The following PRR14 variants were observed in gnomAD, a reference collection of about 807,000 sequenced individuals.
PRR14 encodes proline rich 14.
A neutral mutation model predicts 57.2 loss-of-function variants in PRR14; 33 were observed. The ratio of observed to expected loss-of-function variants is 0.58; its 90% confidence interval spans 0.44 to 0.77. The LOEUF (loss-of-function observed/expected upper bound fraction) is 0.77. PRR14 is among the 30% of genes least tolerant of loss of function. The pLI is 0.00. For missense variants in PRR14, 716 were observed against 788.1 expected, an observed-to-expected ratio of 0.91 and a Z score of 1.10; for synonymous variants, 303 against 314.7, an observed-to-expected ratio of 0.96 and a Z score of 0.39.
intron 6 of PRR14, among the ~76,000 whole-genome samples, chr16:30,653,762 G>A (rs1319564417): frequency 6.6e-6 from 1 of 152,160 alleles, no homozygotes; most frequent in Non-Finnish European, 1.5e-5. Context: ...TGCCTCCTGG[G>A]TTCAAGTGAT....
At chr16:30,653,805 T>C (rs2052337305) in intron 6 of PRR14, among the ~76,000 whole-genome samples, 1 of 152,154 alleles carries the variant, frequency 6.6e-6, no homozygotes, top group Non-Finnish European at 1.5e-5. Context: ...TAGCTGGGAT[T>C]ACAGGCATCC....
Position 30,651,234 on chromosome 16 carries a change from G to T in PRR14, c.-51+107G>T. On this transcript the variant is annotated intron_variant, in intron 1 of 11. Transcript: ENST00000300835. The surrounding 1 kb of genome is among the most constrained non-coding windows in gnomAD (Gnocchi z 5.0). ...TCCTCGGCCACTCGCTGGGAGAGGAGGAGGATCGCAGAGGGATCCAGCGGA... is the reference window on the plus strand; with the variant it reads ...TCCTCGGCCACTCGCTGGGAGAGGATGAGGATCGCAGAGGGATCCAGCGGA... 5.9e-6 allele frequency: 2 copies of T among 338,906 alleles called. No individual in the cohort carries two copies. The highest frequency in any genetic ancestry group is 4.4e-5 in the South Asian group (2 of 45,616). 21.0% of individuals were successfully genotyped at this position (338,906 alleles called of 1,614,324 possible).
chr16:30,655,088 C>T lies in PRR14; in HGVS notation c.1118C>T (p.Pro373Leu), dbSNP rs768407365. 3.6e-5 allele frequency: 58 copies of T among 1,611,746 alleles called. No individual in the cohort carries two copies. Among genetic ancestry groups the T allele is most frequent in the Non-Finnish European group, 4.7e-5 (56 of 1,179,958 alleles). Reference sequence around the variant, plus strand: ...GGTGGTGGGGAAATGGCCCGAGCCCCGCCACCCCCTCGGCCCTGTCTCCGG... The same window carrying T: ...GGTGGTGGGGAAATGGCCCGAGCCCTGCCACCCCCTCGGCCCTGTCTCCGG... ...TVGGGEMARA[P>L]PPPRPCLRKE... The change falls in exon 8 of 12, where the codon CCG becomes CTG. Residue 373 changes from proline (P) to leucine (L), a missense_variant. By Grantham distance (98) the Pro-to-Leu change is moderately conservative. Coordinates refer to ENST00000300835, the MANE Select transcript of PRR14 (RefSeq NM_024031.5). The surrounding 1 kb of genome is among the most constrained non-coding windows in gnomAD (Gnocchi z 4.6).
rs755979201 is a variant in PRR14 at position 30,654,230 on chromosome 16, A to G, written c.549A>G (p.Arg183=). Residue 183 remains arginine (R), a splice_region_variant and synonymous_variant, in exon 7 of 12, where the codon AGA becomes AGG. Transcript: ENST00000300835. ...GCCTTTACCTTGCCCTTCACCCCAGAGCTGAGCCCATGAGGATAGTTCGCC... is the reference window on the plus strand; with the variant it reads ...GCCTTTACCTTGCCCTTCACCCCAGGGCTGAGCCCATGAGGATAGTTCGCC... ...ETPNFIIPAQ[R]AEPMRIVRQP... is the part of the protein sequence containing the mutation. 7 of 1,613,320 alleles carry G rather than the reference A, an allele frequency of 4.3e-6. No individual in the cohort carries two copies. The highest frequency in any genetic ancestry group is 5.9e-6 in the Non-Finnish European group (7 of 1,179,390).
In PRR14 at chr16:30,656,174, G is replaced by T; in HGVS notation, c.1621G>T (p.Ala541Ser). 2 of 1,603,214 alleles carry T rather than the reference G, an allele frequency of 1.2e-6. No individual in the cohort carries two copies. The highest frequency in any genetic ancestry group is 1.7e-6 in the Non-Finnish European group (2 of 1,176,130). The stretch of plus-strand genomic sequence containing the variant: ...AAGACCGTCCCGTGGGGTCCGGGCT[G>T]CAGGGGGCAGGACTGTTCCTCCCAA... ...SRRPSRGVRA[A>S]GGRTVPPNVA... Residue 541 changes from alanine to serine, a missense_variant, in exon 12 of 12, where the codon GCA becomes TCA. Ala to Ser is a moderately conservative substitution (Grantham distance 99). Coordinates refer to ENST00000300835, the MANE Select transcript of PRR14 (RefSeq NM_024031.5).
chr16:30,655,836 G>A lies in PRR14; in HGVS notation c.1407-32G>A, dbSNP rs80294806. On this transcript the variant is annotated intron_variant, in intron 10 of 11. Transcript: ENST00000300835. This position sits in a 1 kb window ranked among gnomAD's most constrained non-coding sequence, Gnocchi z 4.6. ...TCCCTTCAGGCCCCACTGGCCCAAG[G>A]TTTCTCAGTGGCCTCTGCTCTTTGC... The A allele has an allele frequency of 2.0e-3, 3,150 of 1,612,496 alleles. 64 individuals are homozygous for A. In the African/African-American group the frequency reaches 0.037, roughly 19 times the overall value.
intron 7 of PRR14, 102 bp downstream of exon 7, chr16:30,654,441 C>A: frequency 9.3e-7 from 1 of 1,074,712 alleles, no homozygotes; most frequent in Non-Finnish European, 1.4e-6. Context: ...CTTAAGCCAC[C>A]TCCCAGGGCA....
Position 30,655,752 on chromosome 16 carries a change from T to C in PRR14, c.1407-116T>C. On this transcript the variant is annotated intron_variant, in intron 10 of 11. Coordinates refer to ENST00000300835, the MANE Select transcript of PRR14 (RefSeq NM_024031.5). The surrounding 1 kb of genome is among the most constrained non-coding windows in gnomAD (Gnocchi z 4.6). ...TGCTCAAAATTGCCTGTCTGCCTTATGTAGCACTCCTGGCCCTGACATGTC... is the reference window on the plus strand; with the variant it reads ...TGCTCAAAATTGCCTGTCTGCCTTACGTAGCACTCCTGGCCCTGACATGTC... 3 of 1,335,616 alleles carry C rather than the reference T, an allele frequency of 2.2e-6. No individual in the cohort carries two copies. Among genetic ancestry groups the C allele is most frequent in the South Asian group, 1.2e-5 (1 of 84,818 alleles). The allele number at this position is 1,335,616 out of a possible 1,614,324, so 82.7% of individuals were successfully genotyped here.
In PRR14 at chr16:30,655,456, G is replaced by A; in HGVS notation, c.1314+36G>A. 6.2e-7 allele frequency: 1 copy of A among 1,613,564 alleles called. No individual in the cohort carries two copies. The highest frequency in any genetic ancestry group is 8.5e-7 in the Non-Finnish European group (1 of 1,179,474). On this transcript the variant is annotated intron_variant, in intron 9 of 11. Coordinates refer to ENST00000300835, the MANE Select transcript of PRR14 (RefSeq NM_024031.5). This position sits in a 1 kb window ranked among gnomAD's most constrained non-coding sequence, Gnocchi z 4.6. The stretch of plus-strand genomic sequence containing the variant: ...AGATCGGGTAGAAGAGACTAGTGGG[G>A]GCCTGAGCCCATGTCACTCTTTCAC...
In PRR14 at chr16:30,654,896, T is replaced by C. The variant is rs1322182105; in HGVS notation, c.926T>C (p.Ile309Thr). The C allele has an allele frequency of 1.3e-6, 2 of 1,581,180 alleles. No homozygotes were observed. The highest frequency in any genetic ancestry group is 2.2e-5 in the South Asian group (2 of 90,276). Reference sequence around the variant, plus strand: ...GCGTCTGTCAGCCCCCGGCCCCCAATCCGCCAGTGGCGAACTCAGGACCAC... The same window carrying C: ...GCGTCTGTCAGCCCCCGGCCCCCAACCCGCCAGTGGCGAACTCAGGACCAC... Reference protein sequence around the residue: ...GTASVSPRPPIRQWRTQDHNT... With the variant: ...GTASVSPRPPTRQWRTQDHNT... The change falls in exon 8 of 12, where the codon ATC becomes ACC. Residue 309 changes from isoleucine (I) to threonine (T), a missense_variant. Coordinates refer to ENST00000300835, the MANE Select transcript of PRR14 (RefSeq NM_024031.5).
chr16:30,651,502 G>T lies in PRR14; in HGVS notation c.-50-94G>T, dbSNP rs571455315. The T allele has an allele frequency of 3.3e-3, 1,938 of 585,890 alleles. 3 individuals carry two copies. Among genetic ancestry groups the T allele is most frequent in the Non-Finnish European group, 4.4e-3 (1,572 of 354,124 alleles). The allele number at this position is 585,890 out of a possible 1,614,324, so 36.3% of individuals were successfully genotyped here. A position where few individuals can be genotyped will look rare whatever the true frequency, so the allele number is the denominator to read the frequency against. ...TCGCGCCCCAGGGCTGCGGCCGCTGGGCTACGGGGAGCCGCGGGCGGACCA... is the reference window on the plus strand; with the variant it reads ...TCGCGCCCCAGGGCTGCGGCCGCTGTGCTACGGGGAGCCGCGGGCGGACCA... On this transcript the variant is annotated intron_variant, in intron 1 of 11. Coordinates refer to ENST00000300835, the MANE Select transcript of PRR14 (RefSeq NM_024031.5). This position sits in a 1 kb window ranked among gnomAD's most constrained non-coding sequence, Gnocchi z 5.0.
Position 30,655,650 on chromosome 16 carries a change from C to A in PRR14, c.1406+57C>A. ...GGCCAAACAGATGCAGGCTTATGTC[C>A]CCTGAAGTATAGCTTTGTCTCCCCT... is the stretch of plus-strand genomic sequence containing the variant. On this transcript the variant is annotated intron_variant, in intron 10 of 11. Coordinates refer to ENST00000300835, the MANE Select transcript of PRR14 (RefSeq NM_024031.5). The surrounding 1 kb of genome is among the most constrained non-coding windows in gnomAD (Gnocchi z 4.6). The A allele has an allele frequency of 6.7e-7, 1 of 1,499,902 alleles. No homozygotes were observed. The highest frequency in any genetic ancestry group is 1.4e-5 in the African/African-American group (1 of 72,704). The allele number at this position is 1,499,902 out of a possible 1,614,324, so 92.9% of individuals were successfully genotyped here.
chr16:30,652,653 C>T, intron 3 of PRR14, 68 bp from the exon 4 acceptor site: 3 of 1,597,546 alleles, frequency 1.9e-6, no homozygotes, highest in Non-Finnish European at 2.6e-6. Flanking sequence ...CACTGTGAGG[C>T]ACAGGGAAAC....
chr16:30,651,720 C>G lies in PRR14; in HGVS notation c.23+52C>G. The G allele has an allele frequency of 3.7e-6, 6 of 1,612,252 alleles. No individual in the cohort carries two copies. Among genetic ancestry groups the G allele is most frequent in the Non-Finnish European group, 5.1e-6 (6 of 1,179,680 alleles). Reference sequence around the variant, plus strand: ...TGTCTTGACCCCGGGAGATGGGGATCCTGGCGACCGTGCCGGGAAACTACA... The same window carrying G: ...TGTCTTGACCCCGGGAGATGGGGATGCTGGCGACCGTGCCGGGAAACTACA... On this transcript the variant is annotated intron_variant, in intron 2 of 11. Transcript: ENST00000300835. The surrounding 1 kb of genome is among the most constrained non-coding windows in gnomAD (Gnocchi z 5.0).
At position 30,651,455 on chromosome 16, in the gene PRR14, G is replaced by A. The variant is rs1596602670; in HGVS notation, c.-50-141G>A. ...GGCAGCGGGAGGACACCCGCTCCGG[G>A]CGACCGGCCGGGGGCGCCCTTTCGC... On this transcript the variant is annotated intron_variant, in intron 1 of 11. Transcript: ENST00000300835. The surrounding 1 kb of genome is among the most constrained non-coding windows in gnomAD (Gnocchi z 5.0). 4.0e-6 allele frequency: 2 copies of A among 494,136 alleles called. No homozygotes were observed. The highest frequency in any genetic ancestry group is 6.9e-5 in the East Asian group (2 of 28,964). The allele number at this position is 494,136 out of a possible 1,614,324, so 30.6% of individuals were successfully genotyped here.
rs758801883 is a variant in PRR14 at position 30,651,651 on chromosome 16, C to T, written c.6C>T (p.Asp2=). The T allele has an allele frequency of 9.4e-5, 151 of 1,608,986 alleles. No individual in the cohort carries two copies. The highest frequency in any genetic ancestry group is 2.7e-4 in the South Asian group (25 of 90,942). M[D]LPGDSSPPGQ... is the part of the protein sequence containing the mutation. ...CCGGAGCCGCCGCGTCTCCCATGGA[C>T]TTGCCCGGGGACTCCAGGTGAGAGC... The change falls in exon 2 of 12, where the codon GAC becomes GAT. Residue 2 remains aspartate (D), a synonymous_variant. Transcript: ENST00000300835. This position sits in a 1 kb window ranked among gnomAD's most constrained non-coding sequence, Gnocchi z 5.0.
At chr16:30,653,542 C>G (rs1392975898) in intron 6 of PRR14, 134 bp downstream of exon 6, 5 of 914,042 alleles carry the variant, frequency 5.5e-6, no homozygotes, top group Non-Finnish European at 8.6e-6. Context: ...AGGGGCCGGG[C>G]ACGCCCATGC....
In PRR14 at chr16:30,653,393, T is replaced by G. The variant is rs543111628; in HGVS notation, c.533T>G (p.Ile178Ser). Residue 178 changes from isoleucine (I) to serine (S), a missense_variant, in exon 6 of 12, where the codon ATC becomes AGC. Ile to Ser is a moderately radical substitution (Grantham distance 142). Transcript: ENST00000300835. ...EGFIDETPNF[I>S]IPAQRAEPMR... is the part of the protein sequence containing the mutation. Reference sequence around the variant, plus strand: ...TTCATTGATGAGACCCCCAACTTCATCATCCCAGCACAAAGGTGAGAGGGC... The same window carrying G: ...TTCATTGATGAGACCCCCAACTTCAGCATCCCAGCACAAAGGTGAGAGGGC... 6 of 1,613,654 alleles carry G rather than the reference T, an allele frequency of 3.7e-6. No homozygotes were observed. In the Admixed American group the frequency reaches 1.0e-4, roughly 27 times the overall value.
chr16:30,653,484 C>A, intron 6 of PRR14, 76 bp downstream of exon 6: 1 of 1,414,978 alleles, frequency 7.1e-7, no homozygotes, highest in Non-Finnish European at 1.0e-6. Flanking sequence ...CTAGGGGCAT[C>A]GGGACTGACT....
Sources: allele counts gnomAD v4.1 joint callset (sites outside exome capture counted in the v4.1 genomes callset), GRCh38; gene constraint gnomAD v4.1.1; non-coding constraint Gnocchi (gnomAD v3.1); transcripts MANE v1.5; gene names NCBI Gene and HGNC (gene_info 2026-07-23, HGNC 2026-07-21).